Variants in VANGL1 observed in about 807,000 individuals in gnomAD.
The protein encoded by VANGL1 is VANGL planar cell polarity protein 1.
VANGL1 carries 18 observed loss-of-function variants against 48.4 expected under a neutral mutation model. The observed-to-expected ratio is 0.37, with a 90% confidence interval of 0.26 to 0.55. The LOEUF (loss-of-function observed/expected upper bound fraction) is 0.55. VANGL1 is among the 20% of genes least tolerant of loss of function. VANGL1 has a pLI of 0.81. For missense variants in VANGL1, 667 were observed against 675.8 expected (o/e 0.99, Z 0.14); for synonymous variants, 257 against 261.8 (o/e 0.98, Z 0.18).
At chr1:115,655,785 G>A (rs1051151232) in intron 2 of VANGL1, among the ~76,000 whole-genome samples, 1 of 152,180 alleles carries the variant, frequency 6.6e-6, no homozygotes, top group Non-Finnish European at 1.5e-5. Flanking sequence ...GCACTTGGCA[G>A]CCATAGGTTT....
intron 2 of VANGL1, among the ~76,000 whole-genome samples, chr1:115,658,522 A>G (rs1275658639): frequency 6.6e-6 from 1 of 152,214 alleles, no homozygotes; most frequent in African/African-American, 2.4e-5. Flanking sequence ...GAGATTGAAT[A>G]ACTTGTGCAA....
At chr1:115,661,176 G>A (rs1431013008) in intron 3 of VANGL1, among the ~76,000 whole-genome samples, 1 of 152,126 alleles carries the variant, frequency 6.6e-6, no homozygotes, top group Non-Finnish European at 1.5e-5. Context: ...GCCTTTGTAG[G>A]CCTCAATTTC....
chr1:115,686,597 G>T (rs1375640540), intron 7 of VANGL1, among the ~76,000 whole-genome samples: 1 of 152,030 alleles, frequency 6.6e-6, no homozygotes, highest in Admixed American at 6.6e-5. Context: ...CCACTTAATT[G>T]TTTTGTGACT....
Position 115,663,369 on chromosome 1 carries a change from T to C in VANGL1, c.205-292T>C, listed in dbSNP as rs556764238. 7.2e-5 allele frequency among the ~76,000 whole-genome samples: 11 copies of C among 152,322 alleles called. No homozygotes were observed. The South Asian group carries it at 2.3e-3, about 32-fold the overall frequency. On this transcript the variant is annotated intron_variant, in intron 3 of 7. Transcript: ENST00000355485. ...CAGGCCCTCAGAGCTGCTCAAGGCTTTTCAACCCAGGGGATGATAATCAAT... is the reference window on the plus strand; with the variant it reads ...CAGGCCCTCAGAGCTGCTCAAGGCTCTTCAACCCAGGGGATGATAATCAAT...
chr1:115,667,320 C>T (rs1652829354), intron 4 of VANGL1, among the ~76,000 whole-genome samples: 1 of 152,132 alleles, frequency 6.6e-6, no homozygotes, highest in South Asian at 2.1e-4. Context: ...TTGCTGTGGC[C>T]CTGCTTGTTG....
rs572059562 is a variant in VANGL1, at chr1:115,697,924, G to A, written c.*6545G>A. The A allele has an allele frequency of 3.7e-4, 57 of 152,284 alleles. No individual in the cohort carries two copies. Among genetic ancestry groups the A allele is most frequent in the African/African-American group, 1.3e-3 (55 of 41,566 alleles). The allele number at this position is 152,284 out of a possible 1,614,324, so 9.4% of individuals were successfully genotyped here. On this transcript the variant is annotated 3_prime_UTR_variant, in exon 8 of 8. Transcript: ENST00000355485. ...CTGAGTGAGTTCCTGCATAAACTGG[G>A]TAGTGGGCTCTTTTGACACATTTGC...
chr1:115,654,241 A>T (rs1652259773), intron 2 of VANGL1, among the ~76,000 whole-genome samples: 1 of 152,044 alleles, frequency 6.6e-6, no homozygotes, highest in Non-Finnish European at 1.5e-5. Context: ...TCAGGGAGGA[A>T]TAATGAAATG....
At chr1:115,680,601 A>G (rs1287552362) in intron 4 of VANGL1, among the ~76,000 whole-genome samples, 2 of 152,248 alleles carry the variant, frequency 1.3e-5, no homozygotes, top group Non-Finnish European at 1.5e-5. Context: ...TTAAGTACCA[A>G]CTGAATGCGG....
chr1:115,686,390 A>AAC (rs1553190015), intron 7 of VANGL1, among the ~76,000 whole-genome samples: 21 of 150,154 alleles, frequency 1.4e-4, no homozygotes, highest in South Asian at 8.4e-4. Flanking sequence ...AAAAAAAAAA[A>AAC]TGCCATCAGG....
At chr1:115,648,360 G>A (rs1285475378) in intron 1 of VANGL1, among the ~76,000 whole-genome samples, 1 of 152,174 alleles carries the variant, frequency 6.6e-6, no homozygotes, top group Non-Finnish European at 1.5e-5. Flanking sequence ...AGTGGAGAAG[G>A]AGGGAGTGAC....
At chr1:115,672,389 G>T (rs1653009795) in intron 4 of VANGL1, among the ~76,000 whole-genome samples, 1 of 152,196 alleles carries the variant, frequency 6.6e-6, no homozygotes, top group Non-Finnish European at 1.5e-5. Flanking sequence ...CGAAGCTTTT[G>T]TGTAGCTGAG....
chr1:115,696,548 A>T lies in VANGL1; in HGVS notation c.*5169A>T, dbSNP rs1404678060. The T allele has an allele frequency of 6.6e-6, 1 of 152,250 alleles. No individual in the cohort carries two copies. The allele number at this position is 152,250 out of a possible 1,614,324, so 9.4% of individuals were successfully genotyped here. A position where few individuals can be genotyped will look rare whatever the true frequency, so the allele number is the denominator to read the frequency against. On this transcript the variant is annotated 3_prime_UTR_variant, in exon 8 of 8. Coordinates refer to ENST00000355485, the MANE Select transcript of VANGL1 (RefSeq NM_138959.3). ...AGACAGTAAAGGGAAGATGGTGCTCACATCTCTCCATGTGACATCTCATTA... is the reference window on the plus strand; with the variant it reads ...AGACAGTAAAGGGAAGATGGTGCTCTCATCTCTCCATGTGACATCTCATTA...
chr1:115,648,554 G>A (rs1473780755), intron 1 of VANGL1, among the ~76,000 whole-genome samples: 6 of 152,226 alleles, frequency 3.9e-5, no homozygotes, highest in African/African-American at 1.4e-4. Context: ...TGAGGACAAG[G>A]AATGAAGTCC....
chr1:115,683,850 G>A (rs1240694849), intron 5 of VANGL1, 94 bp from the exon 6 acceptor site: 4 of 1,509,654 alleles, frequency 2.6e-6, no homozygotes, highest in Non-Finnish European at 3.7e-6. Flanking sequence ...ATAGGGGGTG[G>A]GTAGACAACA....
At chr1:115,669,492 G>C (rs1184425588) in intron 4 of VANGL1, among the ~76,000 whole-genome samples, 1 of 152,170 alleles carries the variant, frequency 6.6e-6, no homozygotes, top group Non-Finnish European at 1.5e-5. Context: ...CACATGTTGT[G>C]GGAGGGACCC....
chr1:115,658,058 A>G (rs183158340), intron 2 of VANGL1, among the ~76,000 whole-genome samples: 61 of 152,310 alleles, frequency 4.0e-4, no homozygotes, highest in African/African-American at 1.3e-3. Context: ...GGGGATTACA[A>G]TTGAGCATGA....
intron 1 of VANGL1, 22 bp from the exon 2 acceptor site, chr1:115,651,255 T>C: frequency 1.5e-6 from 1 of 656,404 alleles, no homozygotes; most frequent in Non-Finnish European, 2.7e-6. Flanking sequence ...TTAATGTCTT[T>C]TTTTTTCCCC....
rs1407412833 is a variant in VANGL1 at position 115,691,146 on chromosome 1, G to T, written c.1342G>T (p.Gly448Cys). Reference protein sequence around the residue: ...KAFLERYLSAGPTLQYDKDRW... With the variant: ...KAFLERYLSACPTLQYDKDRW... ...CTTCCTAGAACGGTACCTCAGTGCG[G>T]GCCCCACCCTGCAATATGACAAGGA... Residue 448 changes from glycine (G) to cysteine (C), a missense_variant, in exon 8 of 8, where the codon GGC becomes TGC. Transcript: ENST00000355485. 4 of 1,614,142 alleles carry T rather than the reference G, an allele frequency of 2.5e-6. No homozygotes were observed. The highest frequency in any genetic ancestry group is 1.6e-4 in the Middle Eastern group (1 of 6,062).
intron 2 of VANGL1, 90 bp downstream of exon 2, chr1:115,651,574 G>T: frequency 8.7e-7 from 1 of 1,153,094 alleles, no homozygotes; most frequent in Non-Finnish European, 1.3e-6. Flanking sequence ...GTGACTCAGC[G>T]CTGGACATTT....
Sources: allele counts gnomAD v4.1 joint callset (sites outside exome capture counted in the v4.1 genomes callset), GRCh38; gene constraint gnomAD v4.1.1; transcripts MANE v1.5; gene names NCBI Gene and HGNC (gene_info 2026-07-23, HGNC 2026-07-21).